Variants in NAALADL2 observed in about 807,000 individuals in gnomAD.
NAALADL2 encodes the protein inactive N-acetylated-alpha-linked acidic dipeptidase-like protein 2.
In NAALADL2, 76 loss-of-function variants were observed where a neutral mutation model predicts 87.2. That is an observed-to-expected ratio of 0.87 (90% CI 0.72 to 1.05). The LOEUF is 1.05. Ranked by LOEUF, NAALADL2 falls within the 50% of genes least tolerant of loss-of-function variation. The pLI, the probability that NAALADL2 is intolerant of heterozygous loss-of-function variation, is 0.00. For missense variants in NAALADL2, 1,089 were observed against 945.8 expected, an observed-to-expected ratio of 1.15 and a Z score of -1.99; for synonymous variants, 354 against 331.0, an observed-to-expected ratio of 1.07 and a Z score of -0.75.
Position 175,227,873 on chromosome 3 carries a change from G to T in NAALADL2, c.546-6058G>T, listed in dbSNP as rs572056163. 2.6e-5 allele frequency among the ~76,000 whole-genome samples: 4 copies of T among 151,946 alleles called. No homozygotes were observed. The East Asian group carries it at 7.7e-4, about 29-fold the overall frequency. On this transcript the variant is annotated intron_variant, in intron 2 of 13. Transcript: ENST00000454872. Reference sequence around the variant, plus strand: ...TCATTTTCTTAAACAAGAGAAGCATGTACATTAAACTTGATAAATTTAAAA... The same window carrying T: ...TCATTTTCTTAAACAAGAGAAGCATTTACATTAAACTTGATAAATTTAAAA...
chr3:174,894,192 A>T (rs1463676493), intron 1 of NAALADL2, among the ~76,000 whole-genome samples: 1 of 152,162 alleles, frequency 6.6e-6, no homozygotes, highest in Admixed American at 6.5e-5. Flanking sequence ...GGGAGCACCC[A>T]GATATATAAA....
At chr3:174,909,560 C>T (rs1014646495) in intron 1 of NAALADL2, among the ~76,000 whole-genome samples, 1 of 152,016 alleles carries the variant, frequency 6.6e-6, no homozygotes, top group Non-Finnish European at 1.5e-5. Flanking sequence ...ATCCCTACTC[C>T]AAGATTTCTA....
Position 174,469,982 on chromosome 3 carries a change from T to A in NAALADL2, c.-184+28950T>A, listed in dbSNP as rs565816666. ...TTATAGTACTTTGAAAGTTTTTTTT[T>A]AAAGTATTCTTGTATTTCTCATTTA... On this transcript the variant is annotated intron_variant, in intron 1 of 3. Coordinates refer to the NAALADL2 transcript ENST00000434257. Among the ~76,000 whole-genome samples the A allele has an allele frequency of 1.2e-4, 18 of 152,324 alleles. No individual in the cohort carries two copies. In the East Asian group the frequency reaches 1.4e-3, roughly 11 times the overall value.
At chr3:175,606,101 G>A (rs571384087) in intron 10 of NAALADL2, among the ~76,000 whole-genome samples, 141 of 152,278 alleles carry the variant, frequency 9.3e-4, no homozygotes, top group Non-Finnish European at 1.6e-3. Context: ...AAAGGGAAAG[G>A]AACAAAGAGC....
intron 1 of NAALADL2, among the ~76,000 whole-genome samples, chr3:175,032,452 A>T (rs1469035083): frequency 6.6e-6 from 1 of 152,068 alleles, no homozygotes; most frequent in Non-Finnish European, 1.5e-5. Context: ...AATATCTACA[A>T]CATGCCAGGT....
At chr3:175,463,596 T>G in intron 7 of NAALADL2, 103 bp downstream of exon 7, 2 of 605,834 alleles carry the variant, frequency 3.3e-6, no homozygotes, top group Non-Finnish European at 5.3e-6. Flanking sequence ...ACTTGAGATA[T>G]AACTAGAAAT....
intron 9 of NAALADL2, among the ~76,000 whole-genome samples, chr3:175,478,808 C>T (rs756306282): frequency 4.6e-5 from 7 of 151,796 alleles, no homozygotes; most frequent in Non-Finnish European, 8.8e-5. Flanking sequence ...AATTCTGTAA[C>T]AGTATCATTA....
chr3:174,708,471 ATAAATT>A (rs1349459580), intron 2 of NAALADL2, among the ~76,000 whole-genome samples: 5 of 152,210 alleles, frequency 3.3e-5, no homozygotes, highest in African/African-American at 2.4e-5. Context: ...GCAGATTATG[ATAAATT>A]TAAATCTGTA....
At chr3:174,523,830 C>T (rs1349108025) in intron 1 of NAALADL2, among the ~76,000 whole-genome samples, 4 of 152,020 alleles carry the variant, frequency 2.6e-5, no homozygotes, top group Admixed American at 6.6e-5. Context: ...AATTATGTGT[C>T]TTATTATTTT....
intron 5 of NAALADL2, among the ~76,000 whole-genome samples, chr3:175,370,582 A>C (rs572842881): frequency 2.8e-4 from 43 of 152,082 alleles, no homozygotes; most frequent in Non-Finnish European, 4.0e-4. Context: ...CGTAAGAGTC[A>C]CTTGCTGCTT....
At chr3:174,609,997 A>T (rs1455414513) in intron 2 of NAALADL2, among the ~76,000 whole-genome samples, 3 of 152,182 alleles carry the variant, frequency 2.0e-5, no homozygotes, top group African/African-American at 7.2e-5. Flanking sequence ...CAGAGCCCTC[A>T]GAAATAATGC....
chr3:175,137,770 G>T (rs2861995), intron 2 of NAALADL2, among the ~76,000 whole-genome samples: 131,922 of 151,436 alleles, frequency 0.87, 57,561 homozygotes, highest in South Asian at 0.92. Flanking sequence ...AGCTAAGTTT[G>T]TTTTGTTTTG....
intron 1 of NAALADL2, among the ~76,000 whole-genome samples, chr3:174,905,989 C>T (rs2108277650): frequency 6.7e-6 from 1 of 149,110 alleles, no homozygotes; most frequent in South Asian, 2.1e-4. Flanking sequence ...TACATTAATT[C>T]TTCATTTTTT....
intron 1 of NAALADL2, among the ~76,000 whole-genome samples, chr3:174,868,661 G>A (rs774273681): frequency 3.3e-5 from 5 of 152,080 alleles, no homozygotes; most frequent in Non-Finnish European, 7.4e-5. Flanking sequence ...GTGAAAACTT[G>A]ATTTCTTGCT....
intron 2 of NAALADL2, among the ~76,000 whole-genome samples, chr3:174,723,617 A>G (rs559101446): frequency 3.3e-5 from 5 of 151,930 alleles, no homozygotes; most frequent in African/African-American, 1.2e-4. Flanking sequence ...TTAGCCGGGC[A>G]TGGTGGCGGG....
At chr3:174,678,669 A>C (rs1727261175) in intron 2 of NAALADL2, among the ~76,000 whole-genome samples, 1 of 152,114 alleles carries the variant, frequency 6.6e-6, no homozygotes, top group Admixed American at 6.6e-5. Context: ...AAAATGTTTT[A>C]CTCATTTGCC....
At chr3:175,097,367 G>A in intron 2 of NAALADL2, 76 bp downstream of exon 2, 1 of 1,329,592 alleles carries the variant, frequency 7.5e-7, no homozygotes, top group Non-Finnish European at 1.0e-6. Flanking sequence ...TTGAACTGAT[G>A]ATTTTTCATG....
At chr3:175,725,814 A>T (rs1232446061) in intron 11 of NAALADL2, among the ~76,000 whole-genome samples, 3 of 152,182 alleles carry the variant, frequency 2.0e-5, no homozygotes, top group African/African-American at 7.2e-5. Context: ...TAAGGATTCA[A>T]TGAATTAATT....
At chr3:175,446,243 T>G (rs1052035872) in intron 5 of NAALADL2, among the ~76,000 whole-genome samples, 4 of 35,502 alleles carry the variant, frequency 1.1e-4, no homozygotes, top group Admixed American at 4.0e-4. Context: ...GACACCTTTT[T>G]TTGGGGGGGG....
Sources: allele counts gnomAD v4.1 joint callset (sites outside exome capture counted in the v4.1 genomes callset), GRCh38; gene constraint gnomAD v4.1.1; transcripts MANE v1.5; gene names NCBI Gene and HGNC (gene_info 2026-07-23, HGNC 2026-07-21).